Variants in MAGI2 observed in about 807,000 individuals in gnomAD.
The protein encoded by MAGI2 is membrane associated guanylate kinase, WW and PDZ domain containing 2.
In MAGI2, 35 loss-of-function variants were observed where a neutral mutation model predicts 133.3. The ratio of observed to expected loss-of-function variants is 0.26; its 90% CI spans 0.20 to 0.35. MAGI2 has a LOEUF of 0.35. Among genes scored for constraint, MAGI2 ranks in the 10% least tolerant of loss-of-function variants. The probability of loss-of-function intolerance (pLI) is 1.00; values close to 1 mark genes in which losing one functional copy is unlikely to be tolerated. For synonymous variants in MAGI2, 729 were observed against 710.6 expected (o/e 1.03, Z -0.41); for missense variants, 1,636 against 1,863.4 (o/e 0.88, Z 2.25).
chr7:78,798,372 T>A (rs894572532), intron 2 of MAGI2, among the ~76,000 whole-genome samples: 3 of 152,142 alleles, frequency 2.0e-5, no homozygotes, highest in African/African-American at 7.2e-5. Flanking sequence ...GTTATTCTTA[T>A]CATGTTGGCA....
intron 2 of MAGI2, among the ~76,000 whole-genome samples, chr7:78,943,234 C>CA (rs1801131454): frequency 6.6e-6 from 1 of 151,990 alleles, no homozygotes; most frequent in South Asian, 2.1e-4. Context: ...ATTTGAAGAA[C>CA]ATTAAATTTA....
intron 1 of MAGI2, among the ~76,000 whole-genome samples, chr7:79,274,971 G>A (rs1442885048): frequency 6.6e-6 from 1 of 152,228 alleles, no homozygotes; most frequent in East Asian, 1.9e-4. Context: ...TGTTCTAACT[G>A]CTCCACTGAC....
chr7:78,418,621 A>G (rs1031073317), intron 6 of MAGI2, among the ~76,000 whole-genome samples: 1 of 152,160 alleles, frequency 6.6e-6, no homozygotes, highest in Admixed American at 6.6e-5. Flanking sequence ...GTAAATAGCC[A>G]CATGTGCCTA....
In MAGI2 at chr7:79,178,852, C is replaced by G. The variant is rs1485132572; in HGVS notation, c.302-171646G>C. Among the ~76,000 whole-genome samples, 3 of 151,832 alleles carry G rather than the reference C, an allele frequency of 2.0e-5. No homozygotes were observed. In the South Asian group the frequency reaches 6.2e-4, roughly 31 times the overall value. On this transcript the variant is annotated intron_variant, in intron 1 of 21. Transcript: ENST00000354212. ...GCAAATAATTTTCAAAAGAATATAGCAAAAGTTTGCCATAAGTTCTGCTCA... is the reference window on the plus strand; with the variant it reads ...GCAAATAATTTTCAAAAGAATATAGGAAAAGTTTGCCATAAGTTCTGCTCA...
chr7:78,908,137 C>G (rs1333994406), intron 2 of MAGI2, among the ~76,000 whole-genome samples: 1 of 152,200 alleles, frequency 6.6e-6, no homozygotes, highest in Middle Eastern at 3.4e-3. Flanking sequence ...TGTAGAGTGA[C>G]AGAAAGTGAA....
chr7:78,426,922 G>A (rs1340103036), intron 6 of MAGI2, among the ~76,000 whole-genome samples: 1 of 152,132 alleles, frequency 6.6e-6, no homozygotes, highest in African/African-American at 2.4e-5. Flanking sequence ...GACAAATAAT[G>A]GAGTTTATAT....
intron 6 of MAGI2, among the ~76,000 whole-genome samples, chr7:78,461,747 A>T (rs542131551): frequency 9.9e-5 from 15 of 151,814 alleles, no homozygotes; most frequent in African/African-American, 3.6e-4. Flanking sequence ...CCCCGTCTCT[A>T]CTAAAAACAC....
intron 2 of MAGI2, among the ~76,000 whole-genome samples, chr7:78,975,412 C>T (rs1316888007): frequency 6.6e-6 from 1 of 151,622 alleles, no homozygotes; most frequent in Non-Finnish European, 1.5e-5. Flanking sequence ...GAACAACACA[C>T]TGCTACATAA....
intron 3 of MAGI2, among the ~76,000 whole-genome samples, chr7:78,604,982 A>G (rs1166580360): frequency 6.6e-6 from 1 of 152,178 alleles, no homozygotes; most frequent in East Asian, 1.9e-4. Flanking sequence ...GGAAAACAAG[A>G]TTACCTCCAT....
chr7:78,667,787 T>C (rs1370207223), intron 2 of MAGI2, among the ~76,000 whole-genome samples: 1 of 152,118 alleles, frequency 6.6e-6, no homozygotes, highest in East Asian at 1.9e-4. Context: ...ATCCAGTCTA[T>C]CATTATTGGA....
In MAGI2 at chr7:78,640,239, C is replaced by A. The variant is rs116949915; in HGVS notation, c.419-13000G>T. On this transcript the variant is annotated intron_variant, in intron 2 of 21. Coordinates refer to ENST00000354212, the MANE Select transcript of MAGI2 (RefSeq NM_012301.4). ...ACTGTCAAATAATCATTTGAGACTCCTGCTGGAAATTTTTCCATAAAACTA... is the reference window on the plus strand; with the variant it reads ...ACTGTCAAATAATCATTTGAGACTCATGCTGGAAATTTTTCCATAAAACTA... Among the ~76,000 whole-genome samples, 851 of 152,024 alleles carry A rather than the reference C, an allele frequency of 5.6e-3. 3 individuals are homozygous for A. The highest frequency in any genetic ancestry group is 0.01 in the Admixed American group (159 of 15,278).
intron 2 of MAGI2, among the ~76,000 whole-genome samples, chr7:78,936,732 T>C (rs1384875797): frequency 6.6e-6 from 1 of 152,064 alleles, no homozygotes; most frequent in Non-Finnish European, 1.5e-5. Flanking sequence ...ATAGTGTGTA[T>C]AAGTAAAGAT....
At chr7:78,181,102 G>A (rs767993425) in intron 13 of MAGI2, among the ~76,000 whole-genome samples, 10 of 151,986 alleles carry the variant, frequency 6.6e-5, no homozygotes, top group Non-Finnish European at 7.4e-5. Context: ...TTCGCAGATT[G>A]TGATGTTTCT....
chr7:79,364,806 T>C (rs988102162), intron 1 of MAGI2, among the ~76,000 whole-genome samples: 6 of 151,638 alleles, frequency 4.0e-5, no homozygotes, highest in Admixed American at 3.3e-4. Context: ...ATGTAAAATA[T>C]AAAACAAAAA....
At chr7:78,233,161 G>A (rs571028925) in intron 10 of MAGI2, among the ~76,000 whole-genome samples, 1 of 152,150 alleles carries the variant, frequency 6.6e-6, no homozygotes, top group Non-Finnish European at 1.5e-5. Flanking sequence ...AATTGTAAAA[G>A]TAGATACAAT....
At chr7:79,405,818 T>C (rs1161003085) in intron 1 of MAGI2, among the ~76,000 whole-genome samples, 1 of 151,286 alleles carries the variant, frequency 6.6e-6, no homozygotes, top group Non-Finnish European at 1.5e-5. Context: ...ACTGAGCTAA[T>C]ATATTTGAGA....
chr7:78,833,665 T>G (rs1791383096), intron 2 of MAGI2, among the ~76,000 whole-genome samples: 1 of 152,158 alleles, frequency 6.6e-6, no homozygotes, highest in Non-Finnish European at 1.5e-5. Context: ...CACAGCCCTC[T>G]CTGTTCATAT....
chr7:78,185,871 T>C (rs995040384), intron 12 of MAGI2, among the ~76,000 whole-genome samples: 1 of 152,180 alleles, frequency 6.6e-6, no homozygotes, highest in Non-Finnish European at 1.5e-5. Context: ...AATATGTTTC[T>C]TTTACATGCA....
chr7:79,123,357 T>C (rs1482454174), intron 1 of MAGI2, among the ~76,000 whole-genome samples: 1 of 152,196 alleles, frequency 6.6e-6, no homozygotes, highest in Non-Finnish European at 1.5e-5. Flanking sequence ...CAGATAGATA[T>C]CGGTTTAAAT....
Sources: allele counts gnomAD v4.1 joint callset (sites outside exome capture counted in the v4.1 genomes callset), GRCh38; gene constraint gnomAD v4.1.1; transcripts MANE v1.5; gene names NCBI Gene and HGNC (gene_info 2026-07-23, HGNC 2026-07-21).